SCML4: variants seen among roughly 807,000 people sequenced by gnomAD.
SCML4 encodes Scm polycomb group protein like 4, also known as sex comb on midleg-like protein 4.
In SCML4, 34 loss-of-function variants were observed where a neutral mutation model predicts 41.1. The observed-to-expected ratio is 0.83, with a 90% confidence interval of 0.63 to 1.10. The LOEUF (loss-of-function observed/expected upper bound fraction) is 1.10, where lower values mean the gene tolerates loss of function less well. Ranked by LOEUF, SCML4 falls within the 50% of genes least tolerant of loss-of-function variation. The pLI is 0.00. For synonymous variants in SCML4, 214 were observed against 220.9 expected (o/e 0.97, Z 0.28); for missense variants, 522 against 534.1 (o/e 0.98, Z 0.22).
intron 1 of SCML4, among the ~76,000 whole-genome samples, chr6:107,797,770 C>T (rs1159079402): frequency 1.3e-5 from 2 of 151,922 alleles, no homozygotes; most frequent in East Asian, 1.9e-4. Flanking sequence ...TTCATAGATG[C>T]TCTTTATCAA....
intron 5 of SCML4, chr6:107,744,138 C>G (rs1583466720): frequency 6.6e-6 from 1 of 152,262 alleles, no homozygotes; most frequent in East Asian, 1.9e-4. Flanking sequence ...ACCCTGTGTT[C>G]AGAGAAAGAA....
chr6:107,806,492 T>C (rs185480631), intron 1 of SCML4, among the ~76,000 whole-genome samples: 3 of 152,176 alleles, frequency 2.0e-5, no homozygotes, highest in African/African-American at 7.2e-5. Context: ...TCCACTGACA[T>C]GTTGAGATCT....
chr6:107,813,423 T>TAA (rs1336884133), intron 1 of SCML4, among the ~76,000 whole-genome samples: 4 of 10,478 alleles, frequency 3.8e-4, no homozygotes, highest in African/African-American at 4.3e-4. Context: ...TATATATATA[T>TAA]AAAACTGTAA....
chr6:107,766,949 ATT>A (rs35794596), intron 2 of SCML4, among the ~76,000 whole-genome samples: 2,776 of 136,240 alleles, frequency 0.02, 42 homozygotes, highest in African/African-American at 0.049. Context: ...CTATTAAGCT[ATT>A]TTTTTTTTTT....
the SCML4 span, among the ~76,000 whole-genome samples, chr6:107,843,438 T>G: frequency 6.6e-6 from 1 of 152,178 alleles, no homozygotes; most frequent in Non-Finnish European, 1.5e-5. Context: ...TTCACCAAAC[T>G]TAGAGCAACC....
At chr6:107,801,693 G>A (rs1485876397) in intron 1 of SCML4, among the ~76,000 whole-genome samples, 5 of 152,260 alleles carry the variant, frequency 3.3e-5, no homozygotes, top group East Asian at 1.9e-4. Context: ...CTGACAGGGC[G>A]TATGACTGAG....
At chr6:107,788,172 G>A (rs9486694) in intron 1 of SCML4, among the ~76,000 whole-genome samples, 3,454 of 152,294 alleles carry the variant, frequency 0.023, 131 homozygotes, top group African/African-American at 0.078. Flanking sequence ...TGAAAGCTTT[G>A]CTTCCCCAAT....
At chr6:107,798,468 C>T (rs1782871367) in intron 1 of SCML4, among the ~76,000 whole-genome samples, 1 of 151,918 alleles carries the variant, frequency 6.6e-6, no homozygotes, top group African/African-American at 2.4e-5. Flanking sequence ...CATTCCTCTG[C>T]TGGTAATCTG....
rs71274314 is a variant in SCML4, at chr6:107,791,068, TA to T, written c.-59-18683del. ...CTGGTCAGCAGAGCAAGACTCCGTC[TA>T]AAAAAAAAAAAAAAAGCACTGAACA... On this transcript the variant is annotated intron_variant, in intron 1 of 7. Coordinates refer to ENST00000369020, the MANE Select transcript of SCML4 (RefSeq NM_198081.5). Among the ~76,000 whole-genome samples the T allele has an allele frequency of 6.1e-3, 802 of 130,446 alleles. 2 individuals carry two copies. Among genetic ancestry groups the T allele is most frequent in the African/African-American group, 0.016 (549 of 34,726 alleles). 85.6% of individuals were successfully genotyped at this position (130,446 alleles called of 152,430 possible).
intron 2 of SCML4, among the ~76,000 whole-genome samples, chr6:107,758,943 G>A (rs1296130411): frequency 6.6e-6 from 1 of 152,056 alleles, no homozygotes; most frequent in Non-Finnish European, 1.5e-5. Context: ...AGGATTTTAA[G>A]CGGGGAAACA....
At chr6:107,716,408 A>T (rs1272484707) in intron 6 of SCML4, among the ~76,000 whole-genome samples, 3 of 152,208 alleles carry the variant, frequency 2.0e-5, no homozygotes, top group African/African-American at 7.2e-5. Flanking sequence ...TTTATCTTTA[A>T]ATCAAATATA....
chr6:107,724,700 CT>C (rs1227265763), intron 5 of SCML4, among the ~76,000 whole-genome samples: 1 of 152,102 alleles, frequency 6.6e-6, no homozygotes, highest in Admixed American at 6.5e-5. Flanking sequence ...GGCAATTCCC[CT>C]CAAATTGATC....
chr6:107,832,374 T>C, the SCML4 span, among the ~76,000 whole-genome samples: 1 of 152,202 alleles, frequency 6.6e-6, no homozygotes, highest in Non-Finnish European at 1.5e-5. Flanking sequence ...TCCCTCATGG[T>C]CACAGTTCTG....
chr6:107,772,750 C>T (rs1019025368), intron 1 of SCML4, among the ~76,000 whole-genome samples: 3 of 152,142 alleles, frequency 2.0e-5, no homozygotes, highest in Admixed American at 6.5e-5. Flanking sequence ...ACTGTTGTAA[C>T]AATAATATTA....
intron 1 of SCML4, among the ~76,000 whole-genome samples, chr6:107,781,397 A>ACTACGCCGAG (rs1781482973): frequency 6.6e-6 from 1 of 152,198 alleles, no homozygotes; most frequent in African/African-American, 2.4e-5. Context: ...CTGTAATCCC[A>ACTACGCCGAG]GCACTTTGGG....
intron 1 of SCML4, among the ~76,000 whole-genome samples, chr6:107,807,859 G>A (rs760752111): frequency 3.3e-5 from 5 of 152,148 alleles, no homozygotes; most frequent in South Asian, 2.1e-4. Context: ...TTCTATTCAC[G>A]CTACTGTAAA....
At chr6:107,755,612 C>T (rs761629145) in intron 2 of SCML4, 7 of 1,346,854 alleles carry the variant, frequency 5.2e-6, no homozygotes, top group Non-Finnish European at 6.9e-6. Context: ...CTGTCGCAAC[C>T]TATCCAAGCT....
At chr6:107,820,007 C>G (rs544826358) in intron 1 of SCML4, among the ~76,000 whole-genome samples, 1 of 152,192 alleles carries the variant, frequency 6.6e-6, no homozygotes, top group East Asian at 1.9e-4. Context: ...TTATCTCCTC[C>G]GCGGCAGCAA....
chr6:107,831,411 C>CCAAAAAAAAAAAAAAAAAA, the SCML4 span, among the ~76,000 whole-genome samples: 3 of 107,504 alleles, frequency 2.8e-5, 1 homozygote, highest in African/African-American at 6.9e-5. Flanking sequence ...TTTTCATTCT[C>CCAAAAAAAAAAAAAAAAAA]AAAAAAAAAA....
Sources: allele counts gnomAD v4.1 joint callset (sites outside exome capture counted in the v4.1 genomes callset), GRCh38; gene constraint gnomAD v4.1.1; transcripts MANE v1.5; gene names NCBI Gene and HGNC (gene_info 2026-07-23, HGNC 2026-07-21).